The following FAM120C variants were observed in gnomAD, a reference collection of about 807,000 sequenced individuals.
The protein encoded by FAM120C is family with sequence similarity 120 member C, also known as constitutive coactivator of PPAR-gamma-like protein 2.
A neutral mutation model predicts 71.2 loss-of-function variants in FAM120C; 14 were observed. That is an observed-to-expected ratio of 0.20 (90% CI 0.13 to 0.31). The LOEUF is 0.31. Among genes scored for constraint, FAM120C ranks in the 10% least tolerant of loss-of-function variants. The probability of loss-of-function intolerance (pLI) is 1.00; values close to 1 mark genes in which losing one functional copy is unlikely to be tolerated. For synonymous variants in FAM120C, 354 were observed against 353.2 expected (o/e 1.00, Z -0.03); for missense variants, 500 against 879.0 (o/e 0.57, Z 5.45).
chrX:54,098,877 C>T (rs955648182), intron 10 of FAM120C, among the ~76,000 whole-genome samples: 1 of 111,352 alleles, frequency 9.0e-6, no homozygotes, highest in Non-Finnish European at 1.9e-5. Flanking sequence ...CCTCGGCCTC[C>T]GAAAGTGCTG....
intron 9 of FAM120C, among the ~76,000 whole-genome samples, chrX:54,117,518 A>G (rs2066977485): frequency 9.4e-6 from 1 of 105,899 alleles, no homozygotes; most frequent in South Asian, 4.2e-4. Context: ...AACATGGTGA[A>G]ACCCTGTTTC....
intron 5 of FAM120C, among the ~76,000 whole-genome samples, 173 bp downstream of exon 5, chrX:54,136,318 C>T (rs1433885843): frequency 1.8e-5 from 2 of 111,942 alleles, no homozygotes; most frequent in South Asian, 3.7e-4. Context: ...TCTTATGTTA[C>T]GTCTCTTATG....
chrX:54,068,751 A>G lies in FAM120C; in HGVS notation c.*4282T>C, dbSNP rs1557119781. On this transcript the variant is annotated 3_prime_UTR_variant, in exon 16 of 16. Transcript: ENST00000375180. The stretch of plus-strand genomic sequence containing the variant: ...CCTTGCAGTTAAAGTTTCTTTACCT[A>G]GTGTGTTATTCTAAAAACAGAATAG... The G allele has an allele frequency of 9.1e-6, 1 of 110,258 alleles. No homozygotes were observed. The highest frequency in any genetic ancestry group is 3.3e-5 in the African/African-American group (1 of 30,043). 9.1% of individuals were successfully genotyped at this position (110,258 alleles called of 1,213,427 possible). A position where few individuals can be genotyped will look rare whatever the true frequency, so the allele number is the denominator to read the frequency against.
intron 11 of FAM120C, among the ~76,000 whole-genome samples, chrX:54,090,405 G>A (rs1222430279): frequency 9.1e-6 from 1 of 110,043 alleles, no homozygotes; most frequent in African/African-American, 3.3e-5. Flanking sequence ...GCTAATTTTT[G>A]TATTTTTAGT....
intron 15 of FAM120C, among the ~76,000 whole-genome samples, chrX:54,077,896 CCACTAAGAGATGTATT>C (rs2066743052): frequency 9.6e-6 from 1 of 103,887 alleles, no homozygotes; most frequent in African/African-American, 3.4e-5. Flanking sequence ...TGTGAGTCAA[CCACTAAGAGATGTATT>C]CACTAAGAGA....
intron 1 of FAM120C, among the ~76,000 whole-genome samples, chrX:54,175,139 A>T (rs2067309851): frequency 9.0e-6 from 1 of 111,590 alleles, no homozygotes; most frequent in Admixed American, 9.5e-5. Context: ...GTCACAAAAC[A>T]TATTTTGCCT....
rs1402646948 is a variant in FAM120C at position 54,070,293 on chromosome X, G to A, written c.*2740C>T. 8.9e-6 allele frequency: 1 copy of A among 111,836 alleles called. No homozygotes were observed. The highest frequency in any genetic ancestry group is 3.2e-5 in the African/African-American group (1 of 30,815). The allele number at this position is 111,836 out of a possible 1,213,427, so 9.2% of individuals were successfully genotyped here. A position where few individuals can be genotyped will look rare whatever the true frequency, so the allele number is the denominator to read the frequency against. The stretch of plus-strand genomic sequence containing the variant: ...GACCCACTTGTTTCACCCTGGGCTA[G>A]GGGAAAAAGAGGTTGTGGAAGGAAG... On this transcript the variant is annotated 3_prime_UTR_variant, in exon 16 of 16. Coordinates refer to ENST00000375180, the MANE Select transcript of FAM120C (RefSeq NM_017848.6).
rs1328079225 is a variant in FAM120C, at chrX:54,175,843, CATA to C, written c.699+6654_699+6656del. On this transcript the variant is annotated intron_variant, in intron 1 of 15. Coordinates refer to ENST00000375180, the MANE Select transcript of FAM120C (RefSeq NM_017848.6). ...AGAGCAAGTAACTTGCCTAAGCTTACATAATGAGTACTTAGAAGAATAGGGATC... is the reference window on the plus strand; with the variant it reads ...AGAGCAAGTAACTTGCCTAAGCTTACATGAGTACTTAGAAGAATAGGGATC... Among the ~76,000 whole-genome samples, 61 of 111,814 alleles carry C rather than the reference CATA, an allele frequency of 5.5e-4. 1 individual carries two copies. The highest frequency in any genetic ancestry group is 3.8e-5 in the Non-Finnish European group (2 of 53,208).
intron 1 of FAM120C, among the ~76,000 whole-genome samples, chrX:54,160,270 A>G (rs1182543360): frequency 9.0e-6 from 1 of 110,837 alleles, no homozygotes. Context: ...ACTGTTTTCA[A>G]AAAGTCTTTG....
Position 54,110,447 on chromosome X carries a change from G to C in FAM120C, c.2312+6098C>G, listed in dbSNP as rs995555921. On this transcript the variant is annotated intron_variant, in intron 10 of 15. Coordinates refer to ENST00000375180, the MANE Select transcript of FAM120C (RefSeq NM_017848.6). The stretch of plus-strand genomic sequence containing the variant: ...TGATGTCTGCAATTTACTTGGAAAT[G>C]CAGTAAAAAAGATGGAAAAATCAAT... 2.7e-5 allele frequency among the ~76,000 whole-genome samples: 3 copies of C among 110,834 alleles called. No individual in the cohort carries two copies. The East Asian group carries it at 8.4e-4, about 31-fold the overall frequency.
intron 3 of FAM120C, among the ~76,000 whole-genome samples, chrX:54,156,780 G>A (rs1445642590): frequency 1.9e-5 from 2 of 106,410 alleles, no homozygotes; most frequent in Admixed American, 1.0e-4. Context: ...TCAGCTACTC[G>A]GGAGGCTGAG....
intron 10 of FAM120C, among the ~76,000 whole-genome samples, chrX:54,115,684 A>G (rs138313248): frequency 1.6e-4 from 18 of 112,232 alleles, no homozygotes; most frequent in African/African-American, 5.8e-4. Context: ...AGAACTGGAA[A>G]CAATTATCTA....
At chrX:54,131,383 C>T (rs1367307314) in intron 9 of FAM120C, among the ~76,000 whole-genome samples, 1 of 110,710 alleles carries the variant, frequency 9.0e-6, no homozygotes, top group East Asian at 2.9e-4. Context: ...ATCTTCCCAC[C>T]TCAGTCCCAC....
In FAM120C at chrX:54,068,855, A is replaced by AG. The variant is rs1181688834; in HGVS notation, c.*4177dup. The stretch of plus-strand genomic sequence containing the variant: ...AGAATAGAATAGAATAGAAGGTAGG[A>AG]GGGGAAGTGCTTTCTGGGAAGCAAT... On this transcript the variant is annotated 3_prime_UTR_variant, in exon 16 of 16. Coordinates refer to ENST00000375180, the MANE Select transcript of FAM120C (RefSeq NM_017848.6). 9.0e-6 allele frequency: 1 copy of AG among 110,532 alleles called. No homozygotes were observed. Among genetic ancestry groups the AG allele is most frequent in the East Asian group, 2.8e-4 (1 of 3,552 alleles). The allele number at this position is 110,532 out of a possible 1,213,427, so 9.1% of individuals were successfully genotyped here.
intron 10 of FAM120C, among the ~76,000 whole-genome samples, chrX:54,093,549 G>A (rs1298703817): frequency 1.8e-5 from 2 of 111,759 alleles, no homozygotes; most frequent in Admixed American, 1.9e-4. Context: ...ACATGCCAGA[G>A]TGGATGCTTA....
intron 1 of FAM120C, 54 bp from the exon 2 acceptor site, chrX:54,159,670 G>T: frequency 8.6e-7 from 1 of 1,168,108 alleles, no homozygotes; most frequent in Non-Finnish European, 1.2e-6. Context: ...TGTATTGTTA[G>T]AAGGTCAGGA....
Position 54,134,045 on chromosome X carries a change from G to T in FAM120C, c.1618C>A (p.His540Asn). 1 of 1,205,755 alleles carries T rather than the reference G, an allele frequency of 8.3e-7. No homozygotes were observed. The highest frequency in any genetic ancestry group is 1.7e-5 in the African/African-American group (1 of 57,698). Residue 540 changes from histidine (H) to asparagine (N), a missense_variant and splice_region_variant, in exon 8 of 16, where the codon CAT (histidine) becomes AAT (asparagine). Coordinates refer to ENST00000375180, the MANE Select transcript of FAM120C (RefSeq NM_017848.6). ...GDEPNGASSDHITEAFHHQPE... is the reference protein window; with the variant it reads ...GDEPNGASSDNITEAFHHQPE... Reference sequence around the variant, plus strand: ...TGGTGATGAAATGCTTCTGTGATATGACTAAAAAATGTAGAAAGACAGTGT... The same window carrying T: ...TGGTGATGAAATGCTTCTGTGATATTACTAAAAAATGTAGAAAGACAGTGT...
intron 10 of FAM120C, among the ~76,000 whole-genome samples, chrX:54,097,872 G>T (rs959536980): frequency 1.9e-4 from 21 of 107,894 alleles, no homozygotes; most frequent in African/African-American, 6.8e-4. Context: ...GACTACAGGC[G>T]CCCGCTACCA....
intron 1 of FAM120C, among the ~76,000 whole-genome samples, chrX:54,180,144 T>C (rs2067340380): frequency 8.9e-6 from 1 of 111,832 alleles, no homozygotes; most frequent in Non-Finnish European, 1.9e-5. Flanking sequence ...TGATGGGGTA[T>C]ATAAACAAAA....
Sources: gnomAD v4.1 joint callset for allele counts (sites outside exome capture counted in the v4.1 genomes callset) on GRCh38, gnomAD v4.1.1 for gene constraint, MANE v1.5 for transcripts, NCBI Gene and HGNC (gene_info 2026-07-23, HGNC 2026-07-21) for gene names.